The following DRD3 variants were observed in gnomAD, a reference collection of about 807,000 sequenced individuals.
DRD3 encodes dopamine receptor D3, also known as D(3) dopamine receptor.
Under a neutral mutation model 36.3 loss-of-function variants are expected in DRD3, and 19 were observed. The ratio of observed to expected loss-of-function variants is 0.52; its 90% CI spans 0.36 to 0.77. The LOEUF (loss-of-function observed/expected upper bound fraction) is 0.77, where lower values mean the gene tolerates loss of function less well. Among genes scored for constraint, DRD3 ranks in the 30% least tolerant of loss-of-function variants. The probability of loss-of-function intolerance (pLI) is 0.00; values close to 1 mark genes in which losing one functional copy is unlikely to be tolerated. For missense variants in DRD3, 465 were observed against 505.3 expected, an observed-to-expected ratio of 0.92 and a Z score of 0.77; for synonymous variants, 195 against 203.7, an observed-to-expected ratio of 0.96 and a Z score of 0.36.
rs190718352 is a variant in DRD3, at chr3:114,140,527, C to T, written c.527-831G>A. Among the ~76,000 whole-genome samples, 521 of 152,272 alleles carry T rather than the reference C, an allele frequency of 3.4e-3. 3 individuals carry two copies. Among genetic ancestry groups the T allele is most frequent in the African/African-American group, 0.012 (501 of 41,562 alleles). ...AACTAATATCTGCCAGGCGATGAGC[C>T]AAGAGCTTTGTACCCCTTATCCCAC... is the stretch of plus-strand genomic sequence containing the variant. On this transcript the variant is annotated intron_variant, in intron 4 of 6. Transcript: ENST00000383673.
chr3:114,133,458 C>T (rs911383361), intron 5 of DRD3, among the ~76,000 whole-genome samples: 1 of 150,782 alleles, frequency 6.6e-6, no homozygotes, highest in Admixed American at 6.6e-5. Context: ...CTGATGGCTA[C>T]TGGGGGGTTG....
intron 1 of DRD3, among the ~76,000 whole-genome samples, chr3:114,190,922 A>G (rs763791283): frequency 2.0e-5 from 3 of 151,870 alleles, no homozygotes; most frequent in Non-Finnish European, 4.4e-5. Context: ...GAAAAGGAAG[A>G]CTCTCCAGAG....
intron 1 of DRD3, among the ~76,000 whole-genome samples, chr3:114,193,239 A>C (rs1041939521): frequency 1.2e-4 from 19 of 152,224 alleles, no homozygotes; most frequent in Non-Finnish European, 2.2e-4. Flanking sequence ...AGATCGCGCC[A>C]CTGCACTCCA....
At chr3:114,130,457 C>T (rs1238610477) in intron 6 of DRD3, among the ~76,000 whole-genome samples, 1 of 133,280 alleles carries the variant, frequency 7.5e-6, no homozygotes, top group Non-Finnish European at 1.6e-5. Context: ...TGGAGTCTTG[C>T]TCTGTCGCCC....
At chr3:114,139,780 G>T in intron 4 of DRD3, 84 bp from the exon 5 acceptor site, 1 of 1,338,180 alleles carries the variant, frequency 7.5e-7, no homozygotes, top group Non-Finnish European at 1.0e-6. Context: ...CATGTCACGT[G>T]TGGTGCCTGC....
chr3:114,156,723 T>G (rs543329580), intron 3 of DRD3, among the ~76,000 whole-genome samples: 1,212 of 8,706 alleles, frequency 0.14, 21 homozygotes, highest in South Asian at 0.35. Flanking sequence ...CTGTCTTTCT[T>G]TCTTTCTTTC....
intron 2 of DRD3, among the ~76,000 whole-genome samples, chr3:114,171,096 T>C (rs2077836298): frequency 6.6e-6 from 1 of 152,200 alleles, no homozygotes; most frequent in Non-Finnish European, 1.5e-5. Flanking sequence ...GCACTATCTC[T>C]CTGGCAAAGG....
At position 114,172,174 on chromosome 3, in the gene DRD3, A is replaced by G. The variant is rs975142809; in HGVS notation, c.-35-147T>C. The G allele has an allele frequency of 5.1e-6, 3 of 586,360 alleles. No homozygotes were observed. In the African/African-American group the frequency reaches 5.8e-5, roughly 11 times the overall value. The allele number at this position is 586,360 out of a possible 1,614,324, so 36.3% of individuals were successfully genotyped here. On this transcript the variant is annotated intron_variant, in intron 1 of 6. Coordinates refer to ENST00000383673, the MANE Select transcript of DRD3 (RefSeq NM_000796.6). ...CTGTTGTGAGAGTTGGAGATAGAGC[A>G]ATGAACAAAACAGATAAAATCTTAA...
chr3:114,175,091 G>T (rs957050138), intron 1 of DRD3, among the ~76,000 whole-genome samples: 7 of 152,028 alleles, frequency 4.6e-5, no homozygotes, highest in African/African-American at 1.4e-4. Context: ...GGGTTTAACA[G>T]CATCCTTTAC....
At chr3:114,183,035 G>A (rs2077956635), upstream of DRD3, among the ~76,000 whole-genome samples, 1 of 152,162 alleles carries the variant, frequency 6.6e-6, no homozygotes, top group Non-Finnish European at 1.5e-5. Context: ...GGTTCATGTG[G>A]TAATTCTGTT....
At chr3:114,175,768 T>C (rs2077892432) in intron 1 of DRD3, among the ~76,000 whole-genome samples, 1 of 152,226 alleles carries the variant, frequency 6.6e-6, no homozygotes, top group South Asian at 2.1e-4. Context: ...CTATACTATT[T>C]TTAGGTAGCT....
At chr3:114,149,424 G>A (rs1223428822) in intron 3 of DRD3, among the ~76,000 whole-genome samples, 2 of 152,198 alleles carry the variant, frequency 1.3e-5, no homozygotes, top group East Asian at 1.9e-4. Context: ...CAGCCTCCTC[G>A]TTGGTCTCCT....
At chr3:114,175,849 GA>G (rs2077893140) in intron 1 of DRD3, 1 of 152,204 alleles carries the variant, frequency 6.6e-6, no homozygotes, top group Admixed American at 6.5e-5. Flanking sequence ...GGAGGTAAAA[GA>G]ATAGAGAAGG....
intron 1 of DRD3, among the ~76,000 whole-genome samples, chr3:114,198,525 A>T (rs62268962): frequency 0.19 from 28,348 of 152,008 alleles, 3,110 homozygotes; most frequent in Admixed American, 0.31. Flanking sequence ...TCTGCACCTT[A>T]CTTATTTAGT....
chr3:114,148,773 C>T (rs1032251045), intron 3 of DRD3, among the ~76,000 whole-genome samples: 7 of 152,104 alleles, frequency 4.6e-5, no homozygotes, highest in South Asian at 2.1e-4. Flanking sequence ...AGTGCAGTGG[C>T]GCGATCTCAA....
At chr3:114,151,820 G>A (rs2077620710) in intron 3 of DRD3, among the ~76,000 whole-genome samples, 1 of 152,198 alleles carries the variant, frequency 6.6e-6, no homozygotes, top group Admixed American at 6.5e-5. Flanking sequence ...TCCCTCTCGA[G>A]GGCATCGACA....
Position 114,128,992 on chromosome 3 carries a change from G to T in DRD3, c.1007-80C>A. Reference sequence around the variant, plus strand: ...TATAACATGAGAATGACTCACGGTTGTCTACTTTATGCCAGCCACTAAGCT... The same window carrying T: ...TATAACATGAGAATGACTCACGGTTTTCTACTTTATGCCAGCCACTAAGCT... On this transcript the variant is annotated intron_variant, in intron 6 of 6. Transcript: ENST00000383673. 12 of 1,408,122 alleles carry T rather than the reference G, an allele frequency of 8.5e-6. No homozygotes were observed. In the South Asian group the frequency reaches 1.9e-4, roughly 22 times the overall value. 87.2% of individuals were successfully genotyped at this position (1,408,122 alleles called of 1,614,324 possible). A position where few individuals can be genotyped will look rare whatever the true frequency, so the allele number is the denominator to read the frequency against.
intron 3 of DRD3, among the ~76,000 whole-genome samples, chr3:114,148,805 C>T (rs983919643): frequency 1.6e-4 from 25 of 152,236 alleles, no homozygotes; most frequent in African/African-American, 5.3e-4. Flanking sequence ...CTCTGTCTCC[C>T]AGGTTCAAGC....
At chr3:114,145,540 C>T (rs2077562703) in intron 4 of DRD3, among the ~76,000 whole-genome samples, 1 of 152,204 alleles carries the variant, frequency 6.6e-6, no homozygotes, top group Non-Finnish European at 1.5e-5. Context: ...GGCAGAGAAA[C>T]AAGCCAGCCT....
Sources: allele counts gnomAD v4.1 joint callset (sites outside exome capture counted in the v4.1 genomes callset), GRCh38; gene constraint gnomAD v4.1.1; transcripts MANE v1.5; gene names NCBI Gene and HGNC (gene_info 2026-07-23, HGNC 2026-07-21).